FLRT2: variants seen among roughly 807,000 people sequenced by gnomAD.
FLRT2 encodes fibronectin leucine rich transmembrane protein 2.
A neutral mutation model predicts 40.0 loss-of-function variants in FLRT2; 15 were observed. The observed-to-expected ratio is 0.38, with a 90% CI of 0.25 to 0.58. The LOEUF (loss-of-function observed/expected upper bound fraction) is 0.58. Among genes scored for constraint, FLRT2 ranks in the 20% least tolerant of loss-of-function variants. The pLI is 0.71. For synonymous variants in FLRT2, 380 were observed against 336.8 expected (o/e 1.13, Z -1.41); for missense variants, 726 against 840.0 (o/e 0.86, Z 1.68).
At chr14:85,600,306 G>T (rs1892328967) in intron 1 of FLRT2, among the ~76,000 whole-genome samples, 1 of 152,206 alleles carries the variant, frequency 6.6e-6, no homozygotes, top group African/African-American at 2.4e-5. Context: ...CCATGGGTTT[G>T]GAAATGCAGG....
chr14:85,557,858 A>T (rs1890069680), intron 1 of FLRT2, among the ~76,000 whole-genome samples: 1 of 152,306 alleles, frequency 6.6e-6, no homozygotes, highest in South Asian at 2.1e-4. Context: ...TAACAAAAGC[A>T]AACTAAAAAG....
intron 1 of FLRT2, among the ~76,000 whole-genome samples, chr14:85,533,448 C>T (rs945082436): frequency 1.3e-5 from 2 of 152,010 alleles, no homozygotes; most frequent in African/African-American, 4.8e-5. Flanking sequence ...CGCCCGGCTC[C>T]GAGCTGTCCG....
At chr14:85,618,695 T>C (rs972255696) in intron 1 of FLRT2, among the ~76,000 whole-genome samples, 4 of 152,346 alleles carry the variant, frequency 2.6e-5, no homozygotes. Flanking sequence ...TGTAACATGC[T>C]CTTGCATCTA....
chr14:85,591,095 A>G (rs1238569282), intron 1 of FLRT2, among the ~76,000 whole-genome samples: 9 of 152,228 alleles, frequency 5.9e-5, no homozygotes, highest in Admixed American at 3.9e-4. Flanking sequence ...GGAGGGTAGC[A>G]TGATAGTAAC....
intron 1 of FLRT2, among the ~76,000 whole-genome samples, chr14:85,532,878 G>T (rs1212244099): frequency 6.6e-6 from 1 of 152,192 alleles, no homozygotes; most frequent in African/African-American, 2.4e-5. Context: ...CCTCTTGGCA[G>T]TACACCATTA....
In FLRT2 at chr14:85,635,294, C is replaced by T. The variant is rs1566772077; in HGVS notation, c.*11797C>T. On this transcript the variant is annotated 3_prime_UTR_variant, in exon 2 of 2. Coordinates refer to ENST00000330753, the MANE Select transcript of FLRT2 (RefSeq NM_013231.6). ...GATGAGATAATTTATATCATCTTCA[C>T]TTCAGTGGTTGGCATATATTCAAAC... 1 of 152,060 alleles carries T rather than the reference C, an allele frequency of 6.6e-6. No homozygotes were observed. Among genetic ancestry groups the T allele is most frequent in the Non-Finnish European group, 1.5e-5 (1 of 67,998 alleles). 9.4% of individuals were successfully genotyped at this position (152,060 alleles called of 1,614,324 possible). A position where few individuals can be genotyped will look rare whatever the true frequency, so the allele number is the denominator to read the frequency against.
rs1266871564 is a variant in FLRT2, at chr14:85,636,974, A to G, written c.*13477A>G. On this transcript the variant is annotated 3_prime_UTR_variant, in exon 2 of 2. Coordinates refer to ENST00000330753, the MANE Select transcript of FLRT2 (RefSeq NM_013231.6). ...AAAAAAGAGAGAGACTAACATTCTAACAGACAAAACAAAAACAAAAAACAA... is the reference window on the plus strand; with the variant it reads ...AAAAAAGAGAGAGACTAACATTCTAGCAGACAAAACAAAAACAAAAAACAA... 3 of 151,302 alleles carry G rather than the reference A, an allele frequency of 2.0e-5. No individual in the cohort carries two copies. Among genetic ancestry groups the G allele is most frequent in the Non-Finnish European group, 4.4e-5 (3 of 67,812 alleles). The allele number at this position is 151,302 out of a possible 1,614,324, so 9.4% of individuals were successfully genotyped here.
At chr14:85,536,904 G>T (rs1265496083) in intron 1 of FLRT2, among the ~76,000 whole-genome samples, 1 of 152,186 alleles carries the variant, frequency 6.6e-6, no homozygotes, top group Admixed American at 6.5e-5. Context: ...GCCAATGAAG[G>T]GATTGTACAG....
At chr14:85,582,900 A>G (rs1042898906) in intron 1 of FLRT2, among the ~76,000 whole-genome samples, 2 of 151,682 alleles carry the variant, frequency 1.3e-5, no homozygotes, top group African/African-American at 4.8e-5. Context: ...AACTATATAT[A>G]TATATAGTTT....
intron 1 of FLRT2, chr14:85,563,112 T>C (rs1449860677): frequency 1.3e-5 from 2 of 151,924 alleles, no homozygotes; most frequent in African/African-American, 4.8e-5. Context: ...GGACCTCCAC[T>C]CCTTAAAAGG....
chr14:85,547,374 G>T (rs1889340859), intron 1 of FLRT2, among the ~76,000 whole-genome samples: 1 of 149,992 alleles, frequency 6.7e-6, no homozygotes, highest in African/African-American at 2.5e-5. Context: ...CCAGGCTGGA[G>T]TGCAGTAGCG....
chr14:85,622,451 T>G lies in FLRT2; in HGVS notation c.937T>G (p.Phe313Val). The change falls in exon 2 of 2, where the codon TTT becomes GTT. Residue 313 changes from phenylalanine to valine, a missense_variant. Coordinates refer to ENST00000330753, the MANE Select transcript of FLRT2 (RefSeq NM_013231.6). Reference protein sequence around the residue: ...KQLTARNNPWFCDCSIKWVTE... With the variant: ...KQLTARNNPWVCDCSIKWVTE... ...GCTCACTGCTCGGAATAACCCTTGGTTTTGTGACTGCAGTATTAAATGGGT... is the reference window on the plus strand; with the variant it reads ...GCTCACTGCTCGGAATAACCCTTGGGTTTGTGACTGCAGTATTAAATGGGT... 2 of 1,614,166 alleles carry G rather than the reference T, an allele frequency of 1.2e-6. No individual in the cohort carries two copies. The highest frequency in any genetic ancestry group is 8.5e-7 in the Non-Finnish European group (1 of 1,180,032).
intron 1 of FLRT2, among the ~76,000 whole-genome samples, chr14:85,579,109 T>C (rs76328395): frequency 0.056 from 8,480 of 152,204 alleles, 615 homozygotes; most frequent in African/African-American, 0.16. Flanking sequence ...TCCTCCTTTC[T>C]GCCAGCCCTG....
At position 85,643,291 on chromosome 14, in the gene FLRT2, T is replaced by TTTC. The variant is rs1894197586; in HGVS notation, c.*19796_*19797insCTT. 17 of 118,842 alleles carry TTTC rather than the reference T, an allele frequency of 1.4e-4. No individual in the cohort carries two copies. The highest frequency in any genetic ancestry group is 5.5e-4 in the African/African-American group (16 of 29,254). 7.4% of individuals were successfully genotyped at this position (118,842 alleles called of 1,614,324 possible). On this transcript the variant is annotated 3_prime_UTR_variant, in exon 2 of 2. Transcript: ENST00000330753. ...AGAGAGTTCAGAGGGTATTTCTTTT[T>TTTC]TTTCTTTCTTTCTTTCTTTCTTTCT...
rs1888232913 is a variant in FLRT2, at chr14:85,530,915, C to T, written c.-377+381C>T. On this transcript the variant is annotated intron_variant, in intron 1 of 1. Transcript: ENST00000330753. The stretch of plus-strand genomic sequence containing the variant: ...ATCTCTTAACTTTCACCAGTAACAA[C>T]CCTCTCCCCTCCACAAGCTGTTGTT... 2.0e-5 allele frequency among the ~76,000 whole-genome samples: 3 copies of T among 152,310 alleles called. 1 individual carries two copies. Among genetic ancestry groups the T allele is most frequent in the Admixed American group, 1.3e-4 (2 of 15,304 alleles).
At chr14:85,581,445 G>A (rs1357957945) in intron 1 of FLRT2, among the ~76,000 whole-genome samples, 1 of 152,108 alleles carries the variant, frequency 6.6e-6, no homozygotes, top group East Asian at 1.9e-4. Context: ...TTGAGTCCTA[G>A]TTCAAACAGT....
At chr14:85,601,403 G>A (rs1285185631) in intron 1 of FLRT2, among the ~76,000 whole-genome samples, 1 of 152,184 alleles carries the variant, frequency 6.6e-6, no homozygotes, top group East Asian at 1.9e-4. Context: ...CAGACTTCCA[G>A]GACTAAAATT....
rs1031925832 is a variant in FLRT2, at chr14:85,625,875, C to T, written c.*2378C>T. 2 of 166,994 alleles carry T rather than the reference C, an allele frequency of 1.2e-5. No individual in the cohort carries two copies. Among genetic ancestry groups the T allele is most frequent in the African/African-American group, 4.8e-5 (2 of 41,406 alleles). 10.3% of individuals were successfully genotyped at this position (166,994 alleles called of 1,614,324 possible). A position where few individuals can be genotyped will look rare whatever the true frequency, so the allele number is the denominator to read the frequency against. On this transcript the variant is annotated 3_prime_UTR_variant, in exon 2 of 2. Coordinates refer to ENST00000330753, the MANE Select transcript of FLRT2 (RefSeq NM_013231.6). ...TTTATGTATATTGTATGTTTAACCC[C>T]CAGTGGGATTTCTGGCTGCTGAAAC...
Position 85,622,667 on chromosome 14 carries a change from A to G in FLRT2, c.1153A>G (p.Thr385Ala). The change falls in exon 2 of 2, where the codon ACC (threonine) becomes GCC (alanine). Residue 385 changes from threonine (T) to alanine (A), a missense_variant. Around this residue, in one of 3 missense-constraint regions of FLRT2, gnomAD observed 611 missense variants for 690.0 expected, o/e 0.89. Coordinates refer to ENST00000330753, the MANE Select transcript of FLRT2 (RefSeq NM_013231.6). ...STASPTTQPPTLSIPNPSRSY... is the reference protein window; with the variant it reads ...STASPTTQPPALSIPNPSRSY... ...AGCTTCTCCGACCACTCAGCCTCCC[A>G]CCCTCTCTATTCCAAACCCTAGCAG... is the stretch of plus-strand genomic sequence containing the variant. 5 of 1,613,276 alleles carry G rather than the reference A, an allele frequency of 3.1e-6. No individual in the cohort carries two copies. Among genetic ancestry groups the G allele is most frequent in the African/African-American group, 1.3e-5 (1 of 74,804 alleles).
Sources: allele counts gnomAD v4.1 joint callset (sites outside exome capture counted in the v4.1 genomes callset), GRCh38; gene constraint gnomAD v4.1.1; regional missense constraint gnomAD v4.1.1; transcripts MANE v1.5; gene names NCBI Gene and HGNC (gene_info 2026-07-23, HGNC 2026-07-21).